Variants in C19orf47 observed in about 807,000 individuals in gnomAD.
C19orf47 encodes the protein chromosome 19 open reading frame 47.
In C19orf47, 18 loss-of-function variants were observed where a neutral mutation model predicts 32.3. The observed-to-expected ratio is 0.56, with a 90% CI of 0.39 to 0.83. C19orf47 has a LOEUF of 0.83. Among genes scored for constraint, C19orf47 ranks in the 40% least tolerant of loss-of-function variants. The pLI is 0.00. For synonymous variants in C19orf47, 202 were observed against 211.1 expected, an observed-to-expected ratio of 0.96 and a Z score of 0.37; for missense variants, 484 against 531.6, an observed-to-expected ratio of 0.91 and a Z score of 0.88.
downstream of C19orf47, among the ~76,000 whole-genome samples, chr19:40,317,751 A>ACT (rs2077672891): frequency 7.7e-6 from 1 of 130,616 alleles, no homozygotes; most frequent in Non-Finnish European, 1.6e-5. Flanking sequence ...AGACAGTCTC[A>ACT]CTCTGTCGCC....
At chr19:40,333,993 A>G (rs2078008680) in intron 4 of C19orf47, 64 bp from the exon 5 acceptor site, 1 of 1,263,004 alleles carries the variant, frequency 7.9e-7, no homozygotes, top group Non-Finnish European at 1.1e-6. Flanking sequence ...TAGAGATCTA[A>G]GCAACACCAC....
rs142484708 is a variant in C19orf47, at chr19:40,342,466, C to A, written c.-33-576G>T. On this transcript the variant is annotated intron_variant, in intron 1 of 8. Transcript: ENST00000683109. ...AAACAAACAAACAAACAAACAAACC[C>A]AAAACCCTATTCACTGAGAACCTAC... 1,142 of 153,508 alleles carry A rather than the reference C, an allele frequency of 7.4e-3. 19 individuals carry two copies. Among genetic ancestry groups the A allele is most frequent in the African/African-American group, 0.026 (1,097 of 41,536 alleles). 9.5% of individuals were successfully genotyped at this position (153,508 alleles called of 1,614,324 possible).
intron 2 of C19orf47, among the ~76,000 whole-genome samples, chr19:40,337,288 A>AGTTATT (rs145118445): frequency 2.1e-5 from 3 of 143,216 alleles, no homozygotes; most frequent in Non-Finnish European, 3.0e-5. Flanking sequence ...CCATGACAGC[A>AGTTATT]ATTATTATTA....
Position 40,321,283 on chromosome 19 carries a change from CCGA to C in C19orf47, c.*596_*598del, listed in dbSNP as rs1471397341. On this transcript the variant is annotated 3_prime_UTR_variant, in exon 9 of 9. Transcript: ENST00000683109. Reference sequence around the variant, plus strand: ...AGTCTCAACAGGCTCGACGCCACCGCCGACGAGGGGGCCGCTGGGAGGCCGGAG... The same window carrying C: ...AGTCTCAACAGGCTCGACGCCACCGCCGAGGGGGCCGCTGGGAGGCCGGAG... 11 of 986,582 alleles carry C rather than the reference CCGA, an allele frequency of 1.1e-5. No individual in the cohort carries two copies. Among genetic ancestry groups the C allele is most frequent in the Non-Finnish European group, 1.3e-5 (11 of 830,212 alleles). The allele number at this position is 986,582 out of a possible 1,614,324, so 61.1% of individuals were successfully genotyped here.
chr19:40,337,620 A>C (rs2078091284), intron 2 of C19orf47, among the ~76,000 whole-genome samples: 1 of 152,214 alleles, frequency 6.6e-6, no homozygotes, highest in African/African-American at 2.4e-5. Flanking sequence ...TTAGATTAGA[A>C]GAAATCTGTT....
chr19:40,299,710 A>G, the C19orf47 span: 1 of 152,198 alleles, frequency 6.6e-6, no homozygotes, highest in Non-Finnish European at 1.5e-5. Flanking sequence ...AAAGCTCAAA[A>G]GATGTGTTTC....
the C19orf47 span, among the ~76,000 whole-genome samples, chr19:40,294,659 T>G: frequency 6.6e-6 from 1 of 152,220 alleles, no homozygotes; most frequent in Non-Finnish European, 1.5e-5. Context: ...GAGGTGCTCC[T>G]TGGGTCTTGT....
chr19:40,333,278 T>TAAATAAGA, intron 5 of C19orf47, among the ~76,000 whole-genome samples: 1 of 145,456 alleles, frequency 6.9e-6, no homozygotes, highest in Non-Finnish European at 1.5e-5. Flanking sequence ...AATAAGAAAA[T>TAAATAAGA]AAATAAATAA....
At chr19:40,337,597 A>G (rs1478445706) in intron 2 of C19orf47, among the ~76,000 whole-genome samples, 1 of 152,116 alleles carries the variant, frequency 6.6e-6, no homozygotes, top group Non-Finnish European at 1.5e-5. Context: ...TACATCCAAT[A>G]ATCCATGCTA....
In C19orf47 at chr19:40,334,057, A is replaced by T; in HGVS notation, c.223-128T>A. The T allele has an allele frequency of 5.0e-6, 3 of 601,104 alleles. No individual in the cohort carries two copies. In the South Asian group the frequency reaches 7.7e-5, roughly 15 times the overall value. The allele number at this position is 601,104 out of a possible 1,614,324, so 37.2% of individuals were successfully genotyped here. Reference sequence around the variant, plus strand: ...ATTCTAACACATTTCACTCCTAACCATAAGAAAGCATCAGATACCTCCAAA... The same window carrying T: ...ATTCTAACACATTTCACTCCTAACCTTAAGAAAGCATCAGATACCTCCAAA... On this transcript the variant is annotated intron_variant, in intron 4 of 8. Coordinates refer to ENST00000683109, the MANE Select transcript of C19orf47 (RefSeq NM_001256441.2).
At chr19:40,348,500 T>C, upstream of C19orf47, 1 of 1,490,582 alleles carries the variant, frequency 6.7e-7, no homozygotes, top group Non-Finnish European at 8.9e-7. Context: ...CCAGCGAGAG[T>C]GCGGCCATAA....
the C19orf47 span, among the ~76,000 whole-genome samples, chr19:40,308,513 C>T: frequency 7.1e-6 from 1 of 141,418 alleles, no homozygotes; most frequent in East Asian, 2.2e-4. Context: ...ACCCAGGCTG[C>T]AGTGCAGTGG....
At chr19:40,335,759 G>A (rs573934327) in intron 4 of C19orf47, among the ~76,000 whole-genome samples, 23 of 152,130 alleles carry the variant, frequency 1.5e-4, no homozygotes, top group Non-Finnish European at 2.6e-4. Context: ...ACAGGTGCCC[G>A]CCACCACGCT....
chr19:40,313,134 C>G, the C19orf47 span, among the ~76,000 whole-genome samples: 2 of 152,188 alleles, frequency 1.3e-5, no homozygotes, highest in African/African-American at 2.4e-5. Flanking sequence ...TTGGTACCAG[C>G]TTACATTCCA....
At chr19:40,340,975 CAAAA>C (rs34578402) in intron 2 of C19orf47, among the ~76,000 whole-genome samples, 6 of 102,904 alleles carry the variant, frequency 5.8e-5, no homozygotes, top group Admixed American at 1.1e-4. Flanking sequence ...GAGCCTGTCT[CAAAA>C]AAAAAAAAAA....
At chr19:40,345,421 G>A (rs749515100) in intron 1 of C19orf47, among the ~76,000 whole-genome samples, 3 of 151,802 alleles carry the variant, frequency 2.0e-5, no homozygotes, top group Non-Finnish European at 2.9e-5. Context: ...TGGTAAGGCC[G>A]GGTACAGTAA....
the C19orf47 span, among the ~76,000 whole-genome samples, chr19:40,299,802 G>C: frequency 6.6e-6 from 1 of 152,114 alleles, no homozygotes; most frequent in East Asian, 1.9e-4. Context: ...GAGGCAGGTG[G>C]ATCACCTGAA....
At chr19:40,308,854 G>A in the C19orf47 span, among the ~76,000 whole-genome samples, 2 of 152,094 alleles carry the variant, frequency 1.3e-5, no homozygotes, top group South Asian at 4.1e-4. Flanking sequence ...CAGATCGCTT[G>A]GGCCCAAGAG....
At chr19:40,313,626 G>C in the C19orf47 span, among the ~76,000 whole-genome samples, 1 of 152,066 alleles carries the variant, frequency 6.6e-6, no homozygotes, top group Non-Finnish European at 1.5e-5. Flanking sequence ...TGCCCAGCCC[G>C]CTTTTCCTTT....
Sources: allele counts gnomAD v4.1 joint callset (sites outside exome capture counted in the v4.1 genomes callset), GRCh38; gene constraint gnomAD v4.1.1; transcripts MANE v1.5; gene names NCBI Gene and HGNC (gene_info 2026-07-23, HGNC 2026-07-21).